RBM47: variants seen among roughly 807,000 people sequenced by gnomAD.
RBM47 encodes the protein RNA-binding protein 47.
RBM47 carries 21 observed loss-of-function variants against 47.1 expected under a neutral mutation model. That is an observed-to-expected ratio of 0.45 (90% CI 0.32 to 0.64). RBM47 has a LOEUF of 0.64. Among genes scored for constraint, RBM47 ranks in the 30% least tolerant of loss-of-function variants. The pLI is 0.05. For synonymous variants in RBM47, 375 were observed against 361.7 expected, an observed-to-expected ratio of 1.04 and a Z score of -0.42; for missense variants, 708 against 870.9, an observed-to-expected ratio of 0.81 and a Z score of 2.35.
chr4:40,533,824 T>A (rs924676887), intron 2 of RBM47, among the ~76,000 whole-genome samples: 8 of 151,534 alleles, frequency 5.3e-5, no homozygotes, highest in African/African-American at 1.9e-4. Context: ...TTAATTCTTT[T>A]TTTTTTTTGA....
intron 1 of RBM47, among the ~76,000 whole-genome samples, chr4:40,602,212 ACCTT>A (rs1735344871): frequency 6.6e-6 from 1 of 152,048 alleles, no homozygotes; most frequent in Non-Finnish European, 1.5e-5. Context: ...ACTTCACTGT[ACCTT>A]CCATTTTTCT....
chr4:40,605,914 C>T (rs1735716594), intron 1 of RBM47, among the ~76,000 whole-genome samples: 1 of 151,416 alleles, frequency 6.6e-6, no homozygotes, highest in African/African-American at 2.4e-5. Flanking sequence ...TTTAGTAAAA[C>T]AAAAGTGAGT....
At chr4:40,500,141 C>A (rs970210461) in intron 2 of RBM47, among the ~76,000 whole-genome samples, 1 of 152,118 alleles carries the variant, frequency 6.6e-6, no homozygotes, top group Non-Finnish European at 1.5e-5. Context: ...AGAGTGAAAT[C>A]CCGTTCTACT....
In RBM47 at chr4:40,425,873, G is replaced by C; in HGVS notation, c.*31C>G. 6.2e-7 allele frequency: 1 copy of C among 1,605,760 alleles called. No individual in the cohort carries two copies. The highest frequency in any genetic ancestry group is 8.5e-7 in the Non-Finnish European group (1 of 1,173,436). On this transcript the variant is annotated 3_prime_UTR_variant, in exon 7 of 7. Transcript: ENST00000295971. ...GTCAAGCGTTCCTTCAGTGGTGTTT[G>C]TGTGGTCTGTCTTCGTGCTGGTCAC... is the stretch of plus-strand genomic sequence containing the variant.
rs1432078173 is a variant in RBM47, at chr4:40,424,976, CAAACAAAAAAAA to C, written c.*916_*927del. The C allele has an allele frequency of 3.7e-5, 3 of 81,854 alleles. No homozygotes were observed. Among genetic ancestry groups the C allele is most frequent in the East Asian group, 5.1e-4 (1 of 1,970 alleles). The allele number at this position is 81,854 out of a possible 1,614,324, so 5.1% of individuals were successfully genotyped here. On this transcript the variant is annotated 3_prime_UTR_variant, in exon 7 of 7. Coordinates refer to ENST00000295971, the MANE Select transcript of RBM47 (RefSeq NM_001098634.2). ...ACGTAGAAGACAATACTTCCCCAAC[CAAACAAAAAAAA>C]AAACAAAAAACAACGAAACAACAAA... is the stretch of plus-strand genomic sequence containing the variant.
intron 1 of RBM47, among the ~76,000 whole-genome samples, chr4:40,554,996 C>T (rs1020806242): frequency 6.6e-6 from 1 of 152,118 alleles, no homozygotes; most frequent in Admixed American, 6.5e-5. Context: ...AGTGCAATGG[C>T]GCGATCTCGG....
At chr4:40,587,776 G>A (rs1733735866) in intron 1 of RBM47, among the ~76,000 whole-genome samples, 1 of 152,208 alleles carries the variant, frequency 6.6e-6, no homozygotes, top group Non-Finnish European at 1.5e-5. Context: ...AAATAGGATT[G>A]CTAATAAAAT....
chr4:40,601,943 T>C (rs1037390149), intron 1 of RBM47, among the ~76,000 whole-genome samples: 31 of 151,072 alleles, frequency 2.1e-4, no homozygotes, highest in Non-Finnish European at 4.0e-4. Flanking sequence ...CCAATGTGGG[T>C]GGAGAGCTTG....
intron 1 of RBM47, among the ~76,000 whole-genome samples, chr4:40,568,383 C>G (rs1731294683): frequency 7.7e-6 from 1 of 129,724 alleles, no homozygotes; most frequent in Non-Finnish European, 1.6e-5. Flanking sequence ...GAGCCATGAT[C>G]ACGTCACAGC....
chr4:40,433,554 A>G (rs1444237447), intron 5 of RBM47, among the ~76,000 whole-genome samples: 2 of 152,220 alleles, frequency 1.3e-5, no homozygotes, highest in Non-Finnish European at 2.9e-5. Context: ...GTGAGATCAG[A>G]GGCTTGAAGC....
intron 3 of RBM47, among the ~76,000 whole-genome samples, chr4:40,466,057 A>G (rs1195116169): frequency 1.3e-5 from 2 of 152,120 alleles, no homozygotes; most frequent in African/African-American, 2.4e-5. Context: ...TCTTGAGGCC[A>G]GCAGTTTGAG....
chr4:40,574,846 T>C (rs1732139709), intron 1 of RBM47, among the ~76,000 whole-genome samples: 1 of 151,992 alleles, frequency 6.6e-6, no homozygotes, highest in African/African-American at 2.4e-5. Flanking sequence ...TGAGACTCTG[T>C]ATCAAAGAAG....
intron 1 of RBM47, among the ~76,000 whole-genome samples, chr4:40,606,799 T>C (rs770267104): frequency 2.0e-5 from 3 of 152,124 alleles, no homozygotes; most frequent in Non-Finnish European, 4.4e-5. Flanking sequence ...AACATGAACA[T>C]GTGTTACAAG....
chr4:40,509,329 AAC>A (rs1170812103), intron 2 of RBM47, among the ~76,000 whole-genome samples: 1 of 152,158 alleles, frequency 6.6e-6, no homozygotes, highest in East Asian at 1.9e-4. Context: ...CATGTAAGCA[AAC>A]ACACTATTAC....
Position 40,452,179 on chromosome 4 carries a change from A to C in RBM47, c.-31-13255T>G, listed in dbSNP as rs138891708. 8.3e-3 allele frequency among the ~76,000 whole-genome samples: 1,262 copies of C among 152,226 alleles called. 14 individuals are homozygous for C. Among genetic ancestry groups the C allele is most frequent in the African/African-American group, 0.029 (1,184 of 41,530 alleles). On this transcript the variant is annotated intron_variant, in intron 3 of 6. Transcript: ENST00000295971. Reference sequence around the variant, plus strand: ...AGCGAGACTCCATCTCAAAAAAAAAAAAAAGAAGGAAAGGGAGGAGACAGA... The same window carrying C: ...AGCGAGACTCCATCTCAAAAAAAAACAAAAGAAGGAAAGGGAGGAGACAGA...
At chr4:40,445,626 G>A (rs991764263) in intron 3 of RBM47, among the ~76,000 whole-genome samples, 1 of 152,190 alleles carries the variant, frequency 6.6e-6, no homozygotes. Context: ...AAATAGGTGA[G>A]AATTGAGGTA....
chr4:40,446,618 G>A (rs1029131812), intron 3 of RBM47, among the ~76,000 whole-genome samples: 8 of 151,512 alleles, frequency 5.3e-5, no homozygotes, highest in African/African-American at 1.5e-4. Flanking sequence ...TAACACCTGT[G>A]GTCCCAGCTA....
chr4:40,461,105 A>G (rs992118860), intron 3 of RBM47, among the ~76,000 whole-genome samples: 5 of 152,166 alleles, frequency 3.3e-5, no homozygotes, highest in African/African-American at 1.2e-4. Context: ...CTAGAGTTTC[A>G]CTGAACCTAG....
chr4:40,500,542 T>G (rs989029922), intron 2 of RBM47, among the ~76,000 whole-genome samples: 16 of 151,932 alleles, frequency 1.1e-4, no homozygotes, highest in African/African-American at 3.9e-4. Flanking sequence ...GCCCAGGAGG[T>G]CGAGGCTGCA....
Sources: allele counts gnomAD v4.1 joint callset (sites outside exome capture counted in the v4.1 genomes callset), GRCh38; gene constraint gnomAD v4.1.1; transcripts MANE v1.5; gene names NCBI Gene and HGNC (gene_info 2026-07-23, HGNC 2026-07-21).